Variants in KIR2DL4 observed in about 807,000 individuals in gnomAD.
KIR2DL4 encodes the protein killer cell immunoglobulin-like receptor 2DL4.
Under a neutral mutation model 31.0 loss-of-function variants are expected in KIR2DL4, and 41 were observed. The observed-to-expected ratio is 1.32, with a 90% CI of 1.03 to 1.72. The LOEUF is 1.72. KIR2DL4 is among the 40% of genes most tolerant of loss of function. The pLI is 0.00. For missense variants in KIR2DL4, 438 were observed against 353.7 expected, an observed-to-expected ratio of 1.24 and a Z score of -1.91; for synonymous variants, 164 against 133.6, an observed-to-expected ratio of 1.23 and a Z score of -1.57.
exon 8 of KIR2DL4, chr19:54,813,900 TCA>T (rs1163756948): frequency 1.2e-6 from 2 of 1,612,400 alleles, no homozygotes; most frequent in South Asian, 2.2e-5. Flanking sequence ...CACTGCATTT[TCA>T]CACAGAGAAA....
intron 4 of KIR2DL4, 130 bp from the exon 5 acceptor site, chr19:54,808,703 T>G (rs796808351): frequency 1.0e-5 from 8 of 774,026 alleles, no homozygotes; most frequent in Non-Finnish European, 1.9e-5. Flanking sequence ...TTATGGAGAA[T>G]GGGATGCCAG....
chr19:54,805,300 C>T (rs2060446577), intron 3 of KIR2DL4, among the ~76,000 whole-genome samples: 2 of 151,494 alleles, frequency 1.3e-5, no homozygotes, highest in South Asian at 2.1e-4. Context: ...GGGCAGGGGA[C>T]TGAAGGGGAA....
chr19:54,811,723 A>T (rs1569393906), intron 5 of KIR2DL4, among the ~76,000 whole-genome samples: 1 of 151,340 alleles, frequency 6.6e-6, no homozygotes, highest in Non-Finnish European at 1.5e-5. Context: ...TGGGGAGGTA[A>T]AAACTAATAT....
At chr19:54,807,563 G>A (rs1262794913) in intron 4 of KIR2DL4, among the ~76,000 whole-genome samples, 2 of 149,820 alleles carry the variant, frequency 1.3e-5, no homozygotes, top group East Asian at 1.9e-4. Context: ...TCAGCCTCCC[G>A]AGTAGTTGGG....
chr19:54,804,525 C>T (rs1195956257), intron 2 of KIR2DL4, among the ~76,000 whole-genome samples: 1 of 150,988 alleles, frequency 6.6e-6, no homozygotes, highest in East Asian at 1.9e-4. Flanking sequence ...CCCTCCACCC[C>T]ATGTCTACTT....
At chr19:54,805,814 A>T in intron 3 of KIR2DL4, 137 bp from the exon 4 acceptor site, 1 of 829,234 alleles carries the variant, frequency 1.2e-6, no homozygotes, top group South Asian at 1.9e-5. Flanking sequence ...GATCGACAGG[A>T]AGAGTTGGGG....
chr19:54,803,670 G>GTCA lies in KIR2DL4; in HGVS notation c.25_27dup (p.Ile9dup). ...CTGCACCATGTCCATGTCACCCACGGTCATCATCCTGGCATGTCTTGGTGA... is the reference window on the plus strand; with the variant it reads ...CTGCACCATGTCCATGTCACCCACGGTCATCATCATCCTGGCATGTCTTGGTGA... On this transcript the variant is annotated inframe_insertion, in exon 1 of 8. Coordinates refer to ENST00000359085, the Ensembl canonical transcript of KIR2DL4. The GTCA allele has an allele frequency of 6.2e-6, 10 of 1,612,276 alleles. 1 individual carries two copies. The highest frequency in any genetic ancestry group is 8.5e-6 in the Non-Finnish European group (10 of 1,179,630).
chr19:54,813,193 T>G lies in KIR2DL4; in HGVS notation c.775T>G (p.Phe259Val). The G allele has an allele frequency of 2.0e-6, 3 of 1,534,900 alleles. No individual in the cohort carries two copies. In the South Asian group the frequency reaches 3.5e-5, roughly 18 times the overall value. The change falls in exon 6 of 8, where the codon TTC becomes GTC. Residue 259 changes from phenylalanine (F) to valine (V), a missense_variant. Phe to Val is a conservative substitution (Grantham distance 50). Transcript: ENST00000359085. ...CATCATCCTCTTTACCATCCTTCCC[T>G]TCTTTCTCCTTCATCGCTGGTGCTC...
At chr19:54,806,243 A>T in exon 4 of KIR2DL4, 1 of 1,608,982 alleles carries the variant, frequency 6.2e-7, no homozygotes, top group Non-Finnish European at 8.5e-7. Context: ...TTTCTGTCAC[A>T]GGTGAGGAAA....
chr19:54,813,174 C>T, exon 6 of KIR2DL4: 1 of 1,539,692 alleles, frequency 6.5e-7, no homozygotes, highest in Non-Finnish European at 8.8e-7. Flanking sequence ...TGGCCATCAT[C>T]CTCTTTACCA....
At chr19:54,812,060 A>T (rs1385152461) in intron 5 of KIR2DL4, among the ~76,000 whole-genome samples, 4 of 151,296 alleles carry the variant, frequency 2.6e-5, no homozygotes, top group Admixed American at 2.0e-4. Flanking sequence ...GTGGATGTAG[A>T]AACTGTAAAG....
At chr19:54,806,945 G>C (rs1056690826) in intron 4 of KIR2DL4, among the ~76,000 whole-genome samples, 2 of 150,910 alleles carry the variant, frequency 1.3e-5, no homozygotes, top group Non-Finnish European at 1.5e-5. Context: ...AACCCAGGAG[G>C]AGGAGGTTGC....
At position 54,808,897 on chromosome 19, in the gene KIR2DL4, C is replaced by G. The variant is rs2147933637; in HGVS notation, c.706+14C>G. 6.3e-7 allele frequency: 1 copy of G among 1,598,886 alleles called. No homozygotes were observed. Among genetic ancestry groups the G allele is most frequent in the South Asian group, 1.1e-5 (1 of 90,076 alleles). On this transcript the variant is annotated intron_variant, in intron 5 of 7. Coordinates refer to ENST00000359085, the Ensembl canonical transcript of KIR2DL4. Reference sequence around the variant, plus strand: ...GCTTCAAAACTGGTAAGTGAAGGACCCCTCTTATCTCTGCTTTTGGAAACC... The same window carrying G: ...GCTTCAAAACTGGTAAGTGAAGGACGCCTCTTATCTCTGCTTTTGGAAACC...
intron 2 of KIR2DL4, 24 bp downstream of exon 2, chr19:54,803,950 G>A: frequency 6.2e-7 from 1 of 1,604,272 alleles, no homozygotes; most frequent in South Asian, 1.1e-5. Flanking sequence ...CAAATGATGG[G>A]TTGCCATCTT....
intron 4 of KIR2DL4, among the ~76,000 whole-genome samples, chr19:54,806,616 A>G (rs1225846297): frequency 6.0e-5 from 9 of 151,062 alleles, no homozygotes; most frequent in Admixed American, 3.3e-4. Flanking sequence ...CAACCCCTAC[A>G]CTTTTTCTTT....
chr19:54,806,039 C>T, exon 4 of KIR2DL4: 1 of 1,611,550 alleles, frequency 6.2e-7, no homozygotes, highest in East Asian at 2.2e-5. Flanking sequence ...GCTCCCAGAG[C>T]TCCTTTGACA....
chr19:54,805,744 C>T (rs1049214709), intron 3 of KIR2DL4, among the ~76,000 whole-genome samples: 3 of 150,954 alleles, frequency 2.0e-5, no homozygotes, highest in African/African-American at 7.4e-5. Context: ...GGTTGGCTAC[C>T]CTGAGATCAG....
chr19:54,803,767 A>G lies in KIR2DL4; in HGVS notation c.40+76A>G. 5.7e-6 allele frequency: 9 copies of G among 1,578,538 alleles called. 1 individual carries two copies. In the South Asian group the frequency reaches 9.0e-5, roughly 16 times the overall value. The stretch of plus-strand genomic sequence containing the variant: ...TTGGGTGTCTCCCCAGCAGAGAGCC[A>G]TGTTCTGAAGCAAGTGAGTGGTGAG... On this transcript the variant is annotated intron_variant, in intron 1 of 7. Transcript: ENST00000359085.
At chr19:54,805,025 C>G (rs2147883893) in exon 3 of KIR2DL4, 1 of 1,611,226 alleles carries the variant, frequency 6.2e-7, no homozygotes, top group East Asian at 2.2e-5. Flanking sequence ...TTCACCCGCA[C>G]TCCCCCACTG....
Sources: gnomAD v4.1 joint callset for allele counts (sites outside exome capture counted in the v4.1 genomes callset) on GRCh38, gnomAD v4.1.1 for gene constraint, MANE v1.5 for transcripts, NCBI Gene and HGNC (gene_info 2026-07-23, HGNC 2026-07-21) for gene names.